Variants in SLAIN1 observed in about 807,000 individuals in gnomAD.
SLAIN1 encodes the protein SLAIN family member 1, also known as SLAIN motif-containing protein 1.
SLAIN1 carries 17 observed loss-of-function variants against 55.4 expected under a neutral mutation model. The observed-to-expected ratio is 0.31, with a 90% CI of 0.21 to 0.46. The LOEUF (loss-of-function observed/expected upper bound fraction) is 0.46. SLAIN1 is among the 20% of genes least tolerant of loss of function. The pLI is 1.00. For missense variants in SLAIN1, 682 were observed against 785.1 expected (o/e 0.87, Z 1.57); for synonymous variants, 348 against 337.4 (o/e 1.03, Z -0.35).
At chr13:77,734,774 C>G (rs1172376924) in intron 2 of SLAIN1, among the ~76,000 whole-genome samples, 1 of 152,120 alleles carries the variant, frequency 6.6e-6, no homozygotes, top group Admixed American at 6.6e-5. Context: ...AATCCCAGCA[C>G]TTTTGGAGGC....
At chr13:77,731,671 C>T (rs1872866906) in intron 2 of SLAIN1, among the ~76,000 whole-genome samples, 1 of 152,064 alleles carries the variant, frequency 6.6e-6, no homozygotes. Flanking sequence ...CCTGTCGTAT[C>T]TAGTGATCAC....
intron 5 of SLAIN1, among the ~76,000 whole-genome samples, chr13:77,753,635 T>C (rs923291911): frequency 2.6e-5 from 4 of 152,180 alleles, no homozygotes; most frequent in Admixed American, 6.5e-5. Context: ...TAAATTGTTA[T>C]TTGTATAATA....
chr13:77,748,376 A>G (rs912201409), intron 4 of SLAIN1, among the ~76,000 whole-genome samples: 1 of 140,828 alleles, frequency 7.1e-6, no homozygotes, highest in Non-Finnish European at 1.5e-5. Context: ...TTGAGAGGGC[A>G]CCTAGAGTTA....
chr13:77,749,542 A>G (rs1874066821), intron 4 of SLAIN1, among the ~76,000 whole-genome samples: 1 of 152,102 alleles, frequency 6.6e-6, no homozygotes, highest in African/African-American at 2.4e-5. Flanking sequence ...CTTTGTTCAT[A>G]GAGTGATGAG....
At chr13:77,728,349 G>A (rs151312725) in intron 2 of SLAIN1, among the ~76,000 whole-genome samples, 22 of 152,160 alleles carry the variant, frequency 1.4e-4, no homozygotes, top group South Asian at 6.2e-4. Context: ...AATTTGAAAC[G>A]CCCAAAATGT....
At chr13:77,706,182 T>C (rs2091088259) in intron 1 of SLAIN1, among the ~76,000 whole-genome samples, 1 of 152,044 alleles carries the variant, frequency 6.6e-6, no homozygotes, top group South Asian at 2.1e-4. Context: ...TATGGACTTA[T>C]TATGAAAGAA....
At chr13:77,752,423 C>G (rs966241127) in intron 4 of SLAIN1, among the ~76,000 whole-genome samples, 1 of 151,654 alleles carries the variant, frequency 6.6e-6, no homozygotes, top group African/African-American at 2.4e-5. Context: ...AGATAGCTAA[C>G]TGCTTAGCTA....
chr13:77,715,265 T>G (rs2091195535), intron 1 of SLAIN1, among the ~76,000 whole-genome samples: 2 of 152,222 alleles, frequency 1.3e-5, no homozygotes, highest in African/African-American at 2.4e-5. Flanking sequence ...TGTTATTACA[T>G]GAATCAGTAG....
intron 1 of SLAIN1, among the ~76,000 whole-genome samples, chr13:77,710,242 C>T (rs1311570548): frequency 1.3e-5 from 2 of 151,964 alleles, no homozygotes; most frequent in Admixed American, 6.6e-5. Context: ...TAACCTTAAA[C>T]GTAAATGGGA....
chr13:77,725,716 C>A (rs576740640), intron 2 of SLAIN1, among the ~76,000 whole-genome samples: 1 of 152,248 alleles, frequency 6.6e-6, no homozygotes, highest in South Asian at 2.1e-4. Flanking sequence ...TGGTCTTAAA[C>A]CCTCTTCTAC....
intron 5 of SLAIN1, among the ~76,000 whole-genome samples, chr13:77,756,752 A>G: frequency 6.6e-6 from 1 of 152,296 alleles, no homozygotes; most frequent in East Asian, 1.9e-4. Flanking sequence ...TGAATCTCAC[A>G]GACAAAGTGT....
chr13:77,698,020 T>C lies in SLAIN1; in HGVS notation c.107T>C (p.Val36Ala). 7.0e-7 allele frequency: 1 copy of C among 1,428,004 alleles called. No homozygotes were observed. 88.5% of individuals were successfully genotyped at this position (1,428,004 alleles called of 1,614,324 possible). ...ELEVKKLQEL[V>A]RKLEKQNEQL... ...GAGGTGAAGAAGCTGCAGGAGCTGGTGCGCAAGCTGGAGAAGCAGAACGAG... is the reference window on the plus strand; with the variant it reads ...GAGGTGAAGAAGCTGCAGGAGCTGGCGCGCAAGCTGGAGAAGCAGAACGAG... Residue 36 changes from valine (V) to alanine (A), a missense_variant, in exon 1 of 7, where the codon GTG becomes GCG. Physicochemically the swap from Val to Ala is moderately conservative, Grantham distance 64 (BLOSUM62 0). Around this residue, in one of 3 missense-constraint regions of SLAIN1, gnomAD observed 401 missense variants for 417.3 expected, o/e 0.96. Coordinates refer to ENST00000418532, the MANE Select transcript of SLAIN1 (RefSeq NM_001242868.2). The surrounding 1 kb of genome is among the most constrained non-coding windows in gnomAD (Gnocchi z 4.1).
intron 2 of SLAIN1, among the ~76,000 whole-genome samples, chr13:77,726,818 G>A (rs762955339): frequency 2.0e-5 from 3 of 152,156 alleles, no homozygotes; most frequent in Non-Finnish European, 4.4e-5. Context: ...TGTGTATCAT[G>A]TAGTCAGCAC....
chr13:77,754,579 C>A (rs916366269), intron 5 of SLAIN1, among the ~76,000 whole-genome samples: 2 of 152,148 alleles, frequency 1.3e-5, no homozygotes, highest in East Asian at 3.9e-4. Context: ...AGCATTCTTC[C>A]TTTTCCTTCT....
chr13:77,733,202 C>T (rs1241864606), intron 2 of SLAIN1, among the ~76,000 whole-genome samples: 1 of 152,104 alleles, frequency 6.6e-6, no homozygotes, highest in Non-Finnish European at 1.5e-5. Flanking sequence ...ATTTATGAAA[C>T]ATTTACCTGC....
rs1206033773 is a variant in SLAIN1, at chr13:77,763,196, A to C, written c.1749A>C (p.Gly583=). The C allele has an allele frequency of 6.2e-7, 1 of 1,613,908 alleles. No homozygotes were observed. Among genetic ancestry groups the C allele is most frequent in the Admixed American group, 1.7e-5 (1 of 59,994 alleles). ...CTTCACTCAGCACTCTGAGGGATGGAAATTGGAGAGATGGTTGCTACTAAT... is the reference window on the plus strand; with the variant it reads ...CTTCACTCAGCACTCTGAGGGATGGCAATTGGAGAGATGGTTGCTACTAAT... ...PLSSLSTLRD[G]NWRDGCY Residue 583 remains glycine (G), a synonymous_variant, in exon 7 of 7, where the codon GGA becomes GGC. Transcript: ENST00000418532.
chr13:77,726,503 T>A (rs1055380725), intron 2 of SLAIN1, among the ~76,000 whole-genome samples: 1 of 152,092 alleles, frequency 6.6e-6, no homozygotes, highest in Non-Finnish European at 1.5e-5. Context: ...CACGGCTCAC[T>A]GCAGCCTTGA....
chr13:77,698,603 G>T lies in SLAIN1; in HGVS notation c.626+64G>T. 1 of 1,335,882 alleles carries T rather than the reference G, an allele frequency of 7.5e-7. No homozygotes were observed. The highest frequency in any genetic ancestry group is 9.5e-7 in the Non-Finnish European group (1 of 1,048,014). The allele number at this position is 1,335,882 out of a possible 1,614,324, so 82.8% of individuals were successfully genotyped here. ...TCGGGGGCTTCGGGCACCGGGGAGC[G>T]GGGGCGGGGGGCGGACGGGGGTCCC... On this transcript the variant is annotated intron_variant, in intron 1 of 6. Coordinates refer to ENST00000418532, the MANE Select transcript of SLAIN1 (RefSeq NM_001242868.2). This position sits in a 1 kb window ranked among gnomAD's most constrained non-coding sequence, Gnocchi z 4.1.
chr13:77,752,293 T>C (rs1874278763), intron 4 of SLAIN1, among the ~76,000 whole-genome samples: 1 of 151,270 alleles, frequency 6.6e-6, no homozygotes, highest in African/African-American at 2.4e-5. Context: ...GGGTTCTTTT[T>C]TTTTTTTTTT....
Sources: gnomAD v4.1 joint callset for allele counts (sites outside exome capture counted in the v4.1 genomes callset) on GRCh38, gnomAD v4.1.1 for gene constraint, gnomAD v4.1.1 regional missense constraint, Gnocchi (gnomAD v3.1) non-coding constraint, MANE v1.5 for transcripts, NCBI Gene and HGNC (gene_info 2026-07-23, HGNC 2026-07-21) for gene names.